ADARB1: variants seen among roughly 807,000 people sequenced by gnomAD.
ADARB1 encodes the protein adenosine deaminase RNA specific B1.
A neutral mutation model predicts 52.4 loss-of-function variants in ADARB1; 10 were observed. The ratio of observed to expected loss-of-function variants is 0.19; its 90% CI spans 0.12 to 0.32. The LOEUF is 0.32. ADARB1 is among the 10% of genes least tolerant of loss of function. ADARB1 has a pLI of 1.00. For missense variants in ADARB1, 643 were observed against 922.3 expected, an observed-to-expected ratio of 0.70 and a Z score of 3.92; for synonymous variants, 349 against 371.1, an observed-to-expected ratio of 0.94 and a Z score of 0.68.
At chr21:45,105,112 G>A (rs1265842686) in intron 1 of ADARB1, among the ~76,000 whole-genome samples, 1 of 91,550 alleles carries the variant, frequency 1.1e-5, no homozygotes, top group Admixed American at 1.1e-4. Flanking sequence ...GTTTTGTTTT[G>A]TTTTTTTAGA....
intron 3 of ADARB1, among the ~76,000 whole-genome samples, chr21:45,174,132 T>C (rs796979515): frequency 3.9e-5 from 6 of 152,348 alleles, no homozygotes; most frequent in African/African-American, 1.4e-4. Context: ...AATCTACCAT[T>C]TTACACATGT....
At chr21:45,219,908 G>A (rs540221871) in intron 9 of ADARB1, among the ~76,000 whole-genome samples, 2 of 151,668 alleles carry the variant, frequency 1.3e-5, no homozygotes, top group South Asian at 2.1e-4. Flanking sequence ...AACGCCTTGA[G>A]CATCCCAAAA....
intron 2 of ADARB1, among the ~76,000 whole-genome samples, chr21:45,143,112 C>T (rs1015277368): frequency 7.2e-5 from 11 of 152,150 alleles, no homozygotes; most frequent in African/African-American, 1.4e-4. Flanking sequence ...ATCGCTCAGC[C>T]GACTTTTCCT....
At chr21:45,191,817 T>A (rs1272788323) in intron 8 of ADARB1, among the ~76,000 whole-genome samples, 1 of 147,292 alleles carries the variant, frequency 6.8e-6, no homozygotes, top group African/African-American at 2.5e-5. Context: ...GAGACAGCAG[T>A]GTATAGAACC....
chr21:45,188,652 T>G (rs1244025581), intron 8 of ADARB1, among the ~76,000 whole-genome samples: 2 of 152,126 alleles, frequency 1.3e-5, no homozygotes, highest in Non-Finnish European at 2.9e-5. Flanking sequence ...CTGTATCTTT[T>G]GATTGGGGAG....
rs932174092 is a variant in ADARB1, at chr21:45,148,256, G to A, written c.-48+19683G>A. Among the ~76,000 whole-genome samples the A allele has an allele frequency of 7.9e-5, 12 of 152,312 alleles. No homozygotes were observed. The East Asian group carries it at 1.7e-3, about 22-fold the overall frequency. ...AGCCCTCAGGGCCATGGCAGCCTCC[G>A]TGAGGGTGTGAGCTGGGTAAAAGGA... On this transcript the variant is annotated intron_variant, in intron 2 of 10. Transcript: ENST00000348831.
At chr21:45,075,155 G>C (rs1219532326) in intron 1 of ADARB1, among the ~76,000 whole-genome samples, 1 of 151,504 alleles carries the variant, frequency 6.6e-6, no homozygotes, top group East Asian at 2.0e-4. Context: ...GGGAGGGGAC[G>C]GTGTGCCCTG....
intron 2 of ADARB1, among the ~76,000 whole-genome samples, chr21:45,158,967 A>G (rs1221294434): frequency 1.3e-5 from 2 of 152,116 alleles, no homozygotes; most frequent in African/African-American, 4.8e-5. Context: ...ATATTCGTGT[A>G]TGTGGGAGGG....
At position 45,175,967 on chromosome 21, in the gene ADARB1, T is replaced by C; in HGVS notation, c.266T>C (p.Ile89Thr). The change falls in exon 4 of 11, where the codon ATC (isoleucine) becomes ACC (threonine). Residue 89 changes from isoleucine to threonine, a missense_variant. Around this residue, in one of 2 missense-constraint regions of ADARB1, gnomAD observed 380 missense variants for 446.5 expected, o/e 0.85. Coordinates refer to ENST00000348831, the MANE Select transcript of ADARB1 (RefSeq NM_001112.4). Reference sequence around the variant, plus strand: ...AACGCCCTGATGCAGCTGAATGAGATCAAGCCTGGTTTGCAGTACACACTC... The same window carrying C: ...AACGCCCTGATGCAGCTGAATGAGACCAAGCCTGGTTTGCAGTACACACTC... ...PKNALMQLNEIKPGLQYTLLS... is the reference protein window; with the variant it reads ...PKNALMQLNETKPGLQYTLLS... The C allele has an allele frequency of 1.9e-6, 3 of 1,612,766 alleles. No homozygotes were observed. The highest frequency in any genetic ancestry group is 2.5e-6 in the Non-Finnish European group (3 of 1,179,508).
At chr21:45,170,038 G>C (rs446158) in intron 2 of ADARB1, among the ~76,000 whole-genome samples, 1 of 152,048 alleles carries the variant, frequency 6.6e-6, no homozygotes, top group African/African-American at 2.4e-5. Context: ...ACTTTTTATC[G>C]GTCCTTCCAT....
intron 1 of ADARB1, among the ~76,000 whole-genome samples, chr21:45,117,988 T>C (rs1250840215): frequency 1.3e-5 from 2 of 152,260 alleles, no homozygotes; most frequent in Non-Finnish European, 2.9e-5. Context: ...GAGATTTATA[T>C]TGACAAGGCT....
chr21:45,076,252 G>C (rs1259425317), intron 1 of ADARB1, among the ~76,000 whole-genome samples: 1 of 152,212 alleles, frequency 6.6e-6, no homozygotes, highest in Non-Finnish European at 1.5e-5. Flanking sequence ...AGAATTAACT[G>C]TCTCTCATTG....
intron 9 of ADARB1, among the ~76,000 whole-genome samples, chr21:45,209,675 C>T (rs2838815): frequency 0.51 from 77,784 of 151,964 alleles, 20,252 homozygotes; most frequent in South Asian, 0.57. Flanking sequence ...TCTCCTGTAG[C>T]GTTACATTTA....
chr21:45,168,154 G>A (rs999511458), intron 2 of ADARB1, among the ~76,000 whole-genome samples: 2 of 151,816 alleles, frequency 1.3e-5, no homozygotes, highest in Admixed American at 6.6e-5. Context: ...GATCCTCTTC[G>A]TGTCCTTTGC....
chr21:45,221,125 C>T lies in ADARB1; in HGVS notation c.1926+111C>T, dbSNP rs1010447425. 9.1e-5 allele frequency: 112 copies of T among 1,230,058 alleles called. No homozygotes were observed. The highest frequency in any genetic ancestry group is 1.1e-4 in the Non-Finnish European group (99 of 902,172). 76.2% of individuals were successfully genotyped at this position (1,230,058 alleles called of 1,614,324 possible). A position where few individuals can be genotyped will look rare whatever the true frequency, so the allele number is the denominator to read the frequency against. Reference sequence around the variant, plus strand: ...TCATCATGTCATCATGCACAGCTTCCGAAAACGATCACTTGGAATGATTCT... The same window carrying T: ...TCATCATGTCATCATGCACAGCTTCTGAAAACGATCACTTGGAATGATTCT... On this transcript the variant is annotated intron_variant, in intron 10 of 10. Coordinates refer to ENST00000348831, the MANE Select transcript of ADARB1 (RefSeq NM_001112.4). The surrounding 1 kb of genome is among the most constrained non-coding windows in gnomAD (Gnocchi z 4.9).
chr21:45,088,780 G>T (rs1008355193), intron 1 of ADARB1, among the ~76,000 whole-genome samples: 1 of 152,206 alleles, frequency 6.6e-6, no homozygotes, highest in Non-Finnish European at 1.5e-5. Context: ...CGTCACCTGG[G>T]CGATCAAGAT....
intron 1 of ADARB1, among the ~76,000 whole-genome samples, chr21:45,098,105 G>A (rs1216353202): frequency 6.6e-6 from 1 of 152,114 alleles, no homozygotes; most frequent in Non-Finnish European, 1.5e-5. Context: ...CCCTGCGTTC[G>A]CTTCCCACCC....
intron 2 of ADARB1, among the ~76,000 whole-genome samples, chr21:45,146,452 C>G (rs1202568328): frequency 6.6e-6 from 1 of 152,242 alleles, no homozygotes; most frequent in Non-Finnish European, 1.5e-5. Context: ...TTCAGCCGGA[C>G]CGGGACTCTC....
At chr21:45,108,778 ATATTCT>A (rs1211521758) in intron 1 of ADARB1, among the ~76,000 whole-genome samples, 2 of 1,246 alleles carry the variant, frequency 1.6e-3, no homozygotes, top group Non-Finnish European at 3.2e-3. Context: ...AAGGTACCTG[ATATTCT>A]TAGGATGGCT....
Sources: gnomAD v4.1 joint callset for allele counts (sites outside exome capture counted in the v4.1 genomes callset) on GRCh38, gnomAD v4.1.1 for gene constraint, gnomAD v4.1.1 regional missense constraint, Gnocchi (gnomAD v3.1) non-coding constraint, MANE v1.5 for transcripts, NCBI Gene and HGNC (gene_info 2026-07-23, HGNC 2026-07-21) for gene names.